CACNA2D3: variants seen among roughly 807,000 people sequenced by gnomAD.
The protein encoded by CACNA2D3 is calcium voltage-gated channel auxiliary subunit alpha2delta 3.
A neutral mutation model predicts 160.6 loss-of-function variants in CACNA2D3; 60 were observed. That is an observed-to-expected ratio of 0.37 (90% CI 0.30 to 0.46). The LOEUF is 0.46. CACNA2D3 is among the 20% of genes least tolerant of loss of function. The pLI, the probability that CACNA2D3 is intolerant of heterozygous loss-of-function variation, is 1.00. For synonymous variants in CACNA2D3, 558 were observed against 492.9 expected (o/e 1.13, Z -1.75); for missense variants, 1,205 against 1,365.0 (o/e 0.88, Z 1.85).
intron 10 of CACNA2D3, among the ~76,000 whole-genome samples, chr3:54,637,075 A>G (rs1481169510): frequency 6.6e-6 from 1 of 151,996 alleles, no homozygotes; most frequent in Non-Finnish European, 1.5e-5. Flanking sequence ...TTTGGTTGAT[A>G]AGGCACAGAT....
intron 2 of CACNA2D3, among the ~76,000 whole-genome samples, chr3:54,245,448 G>C (rs1185035103): frequency 6.6e-6 from 1 of 152,010 alleles, no homozygotes; most frequent in Non-Finnish European, 1.5e-5. Flanking sequence ...TGGCTCTCAT[G>C]GTGGCTCATG....
intron 6 of CACNA2D3, among the ~76,000 whole-genome samples, chr3:54,569,476 A>G (rs1702460450): frequency 6.6e-6 from 1 of 152,226 alleles, no homozygotes; most frequent in Non-Finnish European, 1.5e-5. Flanking sequence ...ACAGTAAGAA[A>G]TGACTTCGGC....
intron 9 of CACNA2D3, among the ~76,000 whole-genome samples, chr3:54,595,273 G>T (rs1258681402): frequency 1.3e-5 from 2 of 151,988 alleles, no homozygotes; most frequent in African/African-American, 4.8e-5. Flanking sequence ...AATTCTCTGT[G>T]GCTGTACATA....
chr3:54,609,895 C>T (rs1211213581), intron 9 of CACNA2D3, among the ~76,000 whole-genome samples: 1 of 152,168 alleles, frequency 6.6e-6, no homozygotes, highest in Non-Finnish European at 1.5e-5. Context: ...AACTTGGTGG[C>T]TTAAAATAAC....
intron 27 of CACNA2D3, among the ~76,000 whole-genome samples, chr3:54,954,436 C>T (rs965032430): frequency 1.3e-5 from 2 of 152,240 alleles, no homozygotes; most frequent in African/African-American, 2.4e-5. Flanking sequence ...GCAGAATACT[C>T]CTCACTGCTC....
At chr3:54,386,605 CA>C in intron 3 of CACNA2D3, 109 bp from the exon 4 acceptor site, 2 of 967,014 alleles carry the variant, frequency 2.1e-6, no homozygotes, top group South Asian at 3.4e-5. Context: ...CATCAGATCA[CA>C]ATGTATGAAC....
intron 4 of CACNA2D3, among the ~76,000 whole-genome samples, chr3:54,473,654 C>T (rs577460053): frequency 5.9e-5 from 9 of 152,236 alleles, no homozygotes; most frequent in African/African-American, 1.4e-4. Flanking sequence ...GACTAATATC[C>T]AGAATCTACA....
chr3:54,722,875 G>C (rs1393746755), intron 11 of CACNA2D3, among the ~76,000 whole-genome samples: 1 of 152,158 alleles, frequency 6.6e-6, no homozygotes, highest in African/African-American at 2.4e-5. Context: ...TGGGGGTCAG[G>C]GACCGACTTG....
intron 2 of CACNA2D3, chr3:54,178,022 G>A (rs1243725840): frequency 6.6e-6 from 1 of 152,136 alleles, no homozygotes; most frequent in African/African-American, 2.4e-5. Context: ...TTTCAAGGCT[G>A]GCTCCTGATC....
intron 2 of CACNA2D3, among the ~76,000 whole-genome samples, chr3:54,277,968 C>G (rs1702784636): frequency 6.6e-6 from 1 of 151,974 alleles, no homozygotes; most frequent in African/African-American, 2.4e-5. Flanking sequence ...AAAGCAATGG[C>G]AACAAAAGCC....
At chr3:54,898,139 TTTTTC>T (rs754940275) in intron 26 of CACNA2D3, among the ~76,000 whole-genome samples, 13,594 of 139,792 alleles carry the variant, frequency 0.097, 644 homozygotes, top group Non-Finnish European at 0.11. Flanking sequence ...TTCTTTTTCT[TTTTTC>T]TTTCTTTCTT....
chr3:54,958,745 C>G (rs1701962647), intron 27 of CACNA2D3, among the ~76,000 whole-genome samples: 1 of 152,018 alleles, frequency 6.6e-6, no homozygotes, highest in Non-Finnish European at 1.5e-5. Flanking sequence ...GAGATCACCC[C>G]AGGTCATTGC....
intron 8 of CACNA2D3, among the ~76,000 whole-genome samples, chr3:54,574,900 T>C (rs1187409035): frequency 6.6e-6 from 1 of 152,268 alleles, no homozygotes; most frequent in Non-Finnish European, 1.5e-5. Flanking sequence ...AAGCAAGAAC[T>C]TTCTGATGCC....
chr3:54,784,022 A>G (rs972864555), intron 13 of CACNA2D3, among the ~76,000 whole-genome samples: 6 of 152,362 alleles, frequency 3.9e-5, no homozygotes, highest in Admixed American at 3.9e-4. Flanking sequence ...TATTCATGAT[A>G]CACACAACTT....
chr3:54,168,558 T>G (rs1384638924), intron 2 of CACNA2D3, among the ~76,000 whole-genome samples: 1 of 152,186 alleles, frequency 6.6e-6, no homozygotes, highest in East Asian at 1.9e-4. Context: ...GAGGCCTGGA[T>G]TAATTCTGTT....
At chr3:54,149,374 G>T (rs994757072) in intron 2 of CACNA2D3, among the ~76,000 whole-genome samples, 13 of 152,066 alleles carry the variant, frequency 8.5e-5, no homozygotes, top group African/African-American at 3.1e-4. Context: ...TGGGCCTAGG[G>T]TTGCACACAT....
chr3:54,852,364 G>A (rs1473008581), intron 17 of CACNA2D3, among the ~76,000 whole-genome samples: 1 of 152,228 alleles, frequency 6.6e-6, no homozygotes, highest in Non-Finnish European at 1.5e-5. Context: ...AGCCACACTA[G>A]GTGAACCTGA....
intron 13 of CACNA2D3, among the ~76,000 whole-genome samples, chr3:54,787,286 T>G (rs569441440): frequency 2.3e-4 from 35 of 152,344 alleles, no homozygotes; most frequent in African/African-American, 7.9e-4. Flanking sequence ...TGAAATTCAT[T>G]GCTTCATAAA....
intron 4 of CACNA2D3, among the ~76,000 whole-genome samples, chr3:54,417,118 C>T (rs1575443891): frequency 6.6e-6 from 1 of 152,236 alleles, no homozygotes; most frequent in Non-Finnish European, 1.5e-5. Context: ...GAGGTTCTGC[C>T]TGAATATTTG....
Sources: allele counts gnomAD v4.1 joint callset (sites outside exome capture counted in the v4.1 genomes callset), GRCh38; gene constraint gnomAD v4.1.1; transcripts MANE v1.5; gene names NCBI Gene and HGNC (gene_info 2026-07-23, HGNC 2026-07-21).